The following SLC47A2 variants were observed in gnomAD, a reference collection of about 807,000 sequenced individuals.
SLC47A2 encodes multidrug and toxin extrusion protein 2.
In SLC47A2, 52 loss-of-function variants were observed where a neutral mutation model predicts 67.7. That is an observed-to-expected ratio of 0.77 (90% confidence interval 0.61 to 0.97). SLC47A2 has a LOEUF of 0.97. Ranked by LOEUF, SLC47A2 falls within the 50% of genes least tolerant of loss-of-function variation. The probability of loss-of-function intolerance (pLI) is 0.00; values close to 1 mark genes in which losing one functional copy is unlikely to be tolerated. For missense variants in SLC47A2, 676 were observed against 712.3 expected (o/e 0.95, Z 0.58); for synonymous variants, 278 against 292.9 (o/e 0.95, Z 0.52).
chr17:19,691,695 C>T (rs56262978), intron 13 of SLC47A2, among the ~76,000 whole-genome samples: 41,023 of 151,868 alleles, frequency 0.27, 6,170 homozygotes, highest in East Asian at 0.52. Flanking sequence ...AGCACAACAG[C>T]GTAATTATAG....
At chr17:19,702,572 G>A in intron 13 of SLC47A2, 33 bp downstream of exon 13, 1 of 1,612,286 alleles carries the variant, frequency 6.2e-7, no homozygotes, top group Non-Finnish European at 8.5e-7. Context: ...TCATGTCCCA[G>A]GGAGTCAGGC....
intron 13 of SLC47A2, among the ~76,000 whole-genome samples, chr17:19,690,886 G>A (rs559996007): frequency 6.6e-5 from 10 of 152,166 alleles, no homozygotes; most frequent in African/African-American, 2.4e-4. Flanking sequence ...TTGGGGGGTC[G>A]AGGTGGGCGG....
chr17:19,710,816 C>CTT lies in SLC47A2; in HGVS notation c.486+1885_486+1886dup, dbSNP rs34676875. On this transcript the variant is annotated intron_variant, in intron 5 of 16. Transcript: ENST00000433844. ...AGGACTTACATACACATTCACAAAT[C>CTT]TTTTTTTTTTTTTTTGAGATGGAGT... 5.3e-4 allele frequency among the ~76,000 whole-genome samples: 74 copies of CTT among 139,992 alleles called. 2 individuals carry two copies. The highest frequency in any genetic ancestry group is 5.4e-4 in the Non-Finnish European group (35 of 64,840). 91.8% of individuals were successfully genotyped at this position (139,992 alleles called of 152,430 possible). A position where few individuals can be genotyped will look rare whatever the true frequency, so the allele number is the denominator to read the frequency against.
chr17:19,703,257 G>T, intron 11 of SLC47A2, 90 bp from the exon 12 acceptor site: 2 of 1,227,966 alleles, frequency 1.6e-6, no homozygotes, highest in Non-Finnish European at 1.2e-6. Flanking sequence ...CTATGTCAGT[G>T]CAAGTCAGCC....
At chr17:19,686,118 C>T (rs751544243) in intron 13 of SLC47A2, among the ~76,000 whole-genome samples, 5 of 151,954 alleles carry the variant, frequency 3.3e-5, no homozygotes, top group African/African-American at 1.2e-4. Context: ...AAAAATTAGC[C>T]GGGCATGGAG....
intron 13 of SLC47A2, among the ~76,000 whole-genome samples, chr17:19,699,045 T>C (rs140992402): frequency 1.3e-5 from 2 of 152,174 alleles, no homozygotes; most frequent in African/African-American, 2.4e-5. Flanking sequence ...CTGGAACCAA[T>C]TGCCCAAGGA....
At chr17:19,707,138 T>C (rs1346806799) in intron 8 of SLC47A2, among the ~76,000 whole-genome samples, 2 of 151,956 alleles carry the variant, frequency 1.3e-5, no homozygotes, top group Non-Finnish European at 2.9e-5. Context: ...AGATCAAGGA[T>C]GCTGAAGGGA....
At chr17:19,686,725 G>T (rs1447593009) in intron 13 of SLC47A2, among the ~76,000 whole-genome samples, 1 of 152,160 alleles carries the variant, frequency 6.6e-6, no homozygotes, top group Non-Finnish European at 1.5e-5. Context: ...GATAAAGGGG[G>T]TCAGTTCAGC....
At chr17:19,692,215 G>A (rs62068082) in intron 13 of SLC47A2, 89 of 397,694 alleles carry the variant, frequency 2.2e-4, no homozygotes, top group Non-Finnish European at 3.1e-4. Context: ...GCAACAGAGC[G>A]AGACTCCATG....
chr17:19,718,298 G>A (rs140655834), upstream of SLC47A2: 1 of 152,396 alleles, frequency 6.6e-6, no homozygotes, highest in African/African-American at 2.4e-5. Context: ...ATACTTCTTG[G>A]GAGCCCATGG....
intron 5 of SLC47A2, among the ~76,000 whole-genome samples, chr17:19,712,288 G>A (rs1351126815): frequency 1.3e-5 from 2 of 152,166 alleles, no homozygotes; most frequent in Non-Finnish European, 2.9e-5. Context: ...TCCAGAGGCT[G>A]AGGCAGGAGA....
chr17:19,679,670 ACCTAAGTTCTTTCAG>A (rs1364484417), intron 16 of SLC47A2, among the ~76,000 whole-genome samples: 2 of 151,914 alleles, frequency 1.3e-5, no homozygotes, highest in Non-Finnish European at 2.9e-5. Context: ...GGGAGGAAAT[ACCTAAGTTCTTTCAG>A]CCTCACTTCC....
rs375501958 is a variant in SLC47A2, at chr17:19,716,584, C to G, written c.-29G>C. On this transcript the variant is annotated 5_prime_UTR_variant, in exon 1 of 17. Transcript: ENST00000433844. ...TGGCCGGGGCACTGGCTACCCTGCA[C>G]GCCTGAGCGCCTGCACGGCCAGCTT... 3.2e-6 allele frequency: 5 copies of G among 1,557,486 alleles called. No individual in the cohort carries two copies. Among genetic ancestry groups the G allele is most frequent in the Non-Finnish European group, 4.3e-6 (5 of 1,153,656 alleles).
At chr17:19,697,503 C>A (rs566343097) in intron 13 of SLC47A2, among the ~76,000 whole-genome samples, 1 of 152,158 alleles carries the variant, frequency 6.6e-6, no homozygotes, top group African/African-American at 2.4e-5. Flanking sequence ...ATATGAACTT[C>A]GGAGGACACA....
intron 10 of SLC47A2, chr17:19,704,654 C>CGA: frequency 6.5e-7 from 1 of 1,548,314 alleles, no homozygotes; most frequent in Non-Finnish European, 8.7e-7. Context: ...GATGCGTACC[C>CGA]GAGTGACATG....
chr17:19,704,629 C>T, intron 10 of SLC47A2: 1 of 1,525,622 alleles, frequency 6.6e-7, no homozygotes, highest in Non-Finnish European at 8.8e-7. Context: ...AAGCTGGGGT[C>T]AGGGATAACA....
intron 6 of SLC47A2, 50 bp downstream of exon 6, chr17:19,708,666 T>C (rs1193840546): frequency 6.2e-7 from 1 of 1,610,596 alleles, no homozygotes; most frequent in East Asian, 2.2e-5. Flanking sequence ...CCCACTGGAA[T>C]AGGGCAGTGT....
chr17:19,714,204 G>A (rs2086187262), intron 3 of SLC47A2, among the ~76,000 whole-genome samples: 1 of 152,194 alleles, frequency 6.6e-6, no homozygotes, highest in Non-Finnish European at 1.5e-5. Context: ...AGGCACATGG[G>A]GCTTCATCAC....
At chr17:19,693,843 G>T (rs1326065726) in intron 13 of SLC47A2, among the ~76,000 whole-genome samples, 1 of 151,974 alleles carries the variant, frequency 6.6e-6, no homozygotes, top group East Asian at 1.9e-4. Flanking sequence ...CCCCAAATTG[G>T]AAAGCAGAAG....
Sources: allele counts gnomAD v4.1 joint callset (sites outside exome capture counted in the v4.1 genomes callset), GRCh38; gene constraint gnomAD v4.1.1; transcripts MANE v1.5; gene names NCBI Gene and HGNC (gene_info 2026-07-23, HGNC 2026-07-21).